Variants in SHISAL2A observed in about 807,000 individuals in gnomAD.
SHISAL2A encodes the protein protein shisa-like-2A.
A neutral mutation model predicts 11.5 loss-of-function variants in SHISAL2A; 18 were observed. The ratio of observed to expected loss-of-function variants is 1.57; its 90% CI spans 1.08 to 2.33. SHISAL2A has a LOEUF of 2.33. SHISAL2A is among the 30% of genes most tolerant of loss of function. The pLI, the probability that SHISAL2A is intolerant of heterozygous loss-of-function variation, is 0.00. For synonymous variants in SHISAL2A, 94 were observed against 99.6 expected (o/e 0.94, Z 0.34); for missense variants, 261 against 250.9 (o/e 1.04, Z -0.27).
chr1:52,643,018 G>A lies in SHISAL2A; in HGVS notation c.322+16G>A. 1 of 1,613,700 alleles carries A rather than the reference G, an allele frequency of 6.2e-7. No individual in the cohort carries two copies. Among genetic ancestry groups the A allele is most frequent in the Non-Finnish European group, 8.5e-7 (1 of 1,179,762 alleles). ...CAGACAGCAGGTAAGGAAGTTGCCA[G>A]GTGATGTCCTTGTATTCGGTAGACT... On this transcript the variant is annotated intron_variant, in intron 2 of 2. Coordinates refer to ENST00000517870, the MANE Select transcript of SHISAL2A (RefSeq NM_001042693.3).
chr1:52,662,864 TAG>T (rs1691935097), intron 4 of SHISAL2A, among the ~76,000 whole-genome samples: 1 of 152,182 alleles, frequency 6.6e-6, no homozygotes, highest in East Asian at 1.9e-4. Context: ...CTAGGTTAAA[TAG>T]ACAGTTAAAT....
chr1:52,654,700 CAG>C (rs1392299664), intron 2 of SHISAL2A, among the ~76,000 whole-genome samples: 1 of 152,034 alleles, frequency 6.6e-6, no homozygotes, highest in East Asian at 1.9e-4. Context: ...TAGAAGAAAA[CAG>C]GGAAAAATCT....
intron 2 of SHISAL2A, among the ~76,000 whole-genome samples, chr1:52,650,184 A>G (rs1691595976): frequency 6.6e-6 from 1 of 152,178 alleles, no homozygotes; most frequent in Admixed American, 6.5e-5. Context: ...GGAACCAAAC[A>G]TGCTTCAGTC....
chr1:52,643,495 G>C (rs897333290), intron 2 of SHISAL2A, among the ~76,000 whole-genome samples: 2 of 152,150 alleles, frequency 1.3e-5, no homozygotes, highest in African/African-American at 4.8e-5. Context: ...CAAAAATAAA[G>C]TGTTGCTTTT....
chr1:52,635,637 TC>T (rs965898665), intron 1 of SHISAL2A, among the ~76,000 whole-genome samples: 2 of 151,760 alleles, frequency 1.3e-5, no homozygotes, highest in African/African-American at 4.8e-5. Context: ...TTACAACTCC[TC>T]CTATAGGAGG....
chr1:52,638,200 C>A (rs1436296551), intron 1 of SHISAL2A, among the ~76,000 whole-genome samples: 1 of 152,042 alleles, frequency 6.6e-6, no homozygotes, highest in Non-Finnish European at 1.5e-5. Flanking sequence ...GAATGTATCA[C>A]CCCAGAGTCA....
In SHISAL2A at chr1:52,656,744, G is replaced by T. The variant is rs758098807; in HGVS notation, c.323-46G>T. The T allele has an allele frequency of 4.5e-6, 7 of 1,559,158 alleles. No homozygotes were observed. The Admixed American group carries it at 1.3e-4, about 28-fold the overall frequency. On this transcript the variant is annotated intron_variant, in intron 2 of 2. Transcript: ENST00000517870. ...GAAGTCAGCTGGGGAGTGTGATCCT[G>T]TTGGGGAAGAAGAGAGCCACACACC...
chr1:52,638,244 A>G (rs1483274379), intron 1 of SHISAL2A, among the ~76,000 whole-genome samples: 1 of 142,860 alleles, frequency 7.0e-6, no homozygotes, highest in African/African-American at 2.8e-5. Context: ...TGGAGAAAGA[A>G]TGGTAGACAG....
intron 4 of SHISAL2A, among the ~76,000 whole-genome samples, chr1:52,665,595 C>T (rs1284730422): frequency 6.6e-6 from 1 of 152,146 alleles, no homozygotes; most frequent in Non-Finnish European, 1.5e-5. Flanking sequence ...TCCATTAAGT[C>T]GAATTAAGCC....
intron 1 of SHISAL2A, among the ~76,000 whole-genome samples, chr1:52,640,384 C>T (rs529237556): frequency 1.8e-4 from 27 of 152,262 alleles, no homozygotes; most frequent in African/African-American, 6.3e-4. Flanking sequence ...TGTTCCATAA[C>T]ACCTGACACA....
chr1:52,668,198 A>G (rs773009316), intron 5 of SHISAL2A, among the ~76,000 whole-genome samples: 3 of 152,166 alleles, frequency 2.0e-5, no homozygotes, highest in Non-Finnish European at 4.4e-5. Flanking sequence ...ACATACTTCA[A>G]TTTGTGGGTT....
At chr1:52,660,069 C>T (rs911757033), downstream of SHISAL2A, among the ~76,000 whole-genome samples, 8 of 152,114 alleles carry the variant, frequency 5.3e-5, no homozygotes, top group Admixed American at 1.3e-4. Flanking sequence ...GAGTAAGTCC[C>T]CAGAATTTGC....
chr1:52,649,983 A>G (rs549519250), intron 2 of SHISAL2A, among the ~76,000 whole-genome samples: 2 of 152,292 alleles, frequency 1.3e-5, no homozygotes, highest in East Asian at 1.9e-4. Flanking sequence ...AGAGGCAGTC[A>G]TGTGCCTAAG....
chr1:52,658,082 T>TA (rs1691835092), downstream of SHISAL2A, among the ~76,000 whole-genome samples: 2 of 151,992 alleles, frequency 1.3e-5, no homozygotes, highest in Non-Finnish European at 2.9e-5. Context: ...CTCTGTCACT[T>TA]AGGCTAGAGT....
intron 2 of SHISAL2A, among the ~76,000 whole-genome samples, chr1:52,644,594 G>T (rs1056251013): frequency 6.6e-6 from 1 of 152,172 alleles, no homozygotes; most frequent in Non-Finnish European, 1.5e-5. Context: ...TGTGGTGGCA[G>T]GCACCTGTAA....
chr1:52,635,761 G>A (rs1419182240), intron 1 of SHISAL2A, among the ~76,000 whole-genome samples: 6 of 152,206 alleles, frequency 3.9e-5, no homozygotes, highest in Non-Finnish European at 8.8e-5. Flanking sequence ...CCCTGAGCAA[G>A]GAGGGTGTTA....
chr1:52,656,083 A>G (rs1378457243), intron 2 of SHISAL2A, among the ~76,000 whole-genome samples: 1 of 152,260 alleles, frequency 6.6e-6, no homozygotes, highest in African/African-American at 2.4e-5. Context: ...CTAGAAAGAC[A>G]GAAATGTTCA....
intron 1 of SHISAL2A, among the ~76,000 whole-genome samples, chr1:52,639,763 A>G (rs944847248): frequency 6.6e-6 from 1 of 152,032 alleles, no homozygotes; most frequent in African/African-American, 2.4e-5. Flanking sequence ...AAAAAACAAA[A>G]CAAAACATAT....
chr1:52,644,225 GGATACTT>G (rs1250253290), intron 2 of SHISAL2A, among the ~76,000 whole-genome samples: 1 of 150,954 alleles, frequency 6.6e-6, no homozygotes, highest in Non-Finnish European at 1.5e-5. Flanking sequence ...AAACAGGGAA[GGATACTT>G]GAGTTAGTGT....
Sources: gnomAD v4.1 joint callset for allele counts (sites outside exome capture counted in the v4.1 genomes callset) on GRCh38, gnomAD v4.1.1 for gene constraint, MANE v1.5 for transcripts, NCBI Gene and HGNC (gene_info 2026-07-23, HGNC 2026-07-21) for gene names.